CLUH: variants seen among roughly 807,000 people sequenced by gnomAD.
The protein encoded by CLUH is CLUH binding protein of NUMT mRNA, also known as clustered mitochondria protein homolog.
In CLUH, 77 loss-of-function variants were observed where a neutral mutation model predicts 139.3. That is an observed-to-expected ratio of 0.55 (90% CI 0.46 to 0.67). CLUH has a LOEUF of 0.67. Ranked by LOEUF, CLUH falls within the 30% of genes least tolerant of loss-of-function variation. The probability of loss-of-function intolerance (pLI) is 0.00; values close to 1 mark genes in which losing one functional copy is unlikely to be tolerated. For missense variants in CLUH, 1,876 were observed against 1,875.8 expected (o/e 1.00, Z 0.00); for synonymous variants, 999 against 801.6 (o/e 1.25, Z -4.16).
intron 1 of CLUH, among the ~76,000 whole-genome samples, chr17:2,705,925 A>C (rs1340019814): frequency 6.6e-6 from 1 of 152,178 alleles, no homozygotes; most frequent in Non-Finnish European, 1.5e-5. Context: ...ACCCTCCAGC[A>C]GACACGGGCC....
chr17:2,711,230 G>C (rs868344450), intron 1 of CLUH: 1 of 152,240 alleles, frequency 6.6e-6, no homozygotes, highest in South Asian at 2.1e-4. Flanking sequence ...CGGGCGCAGA[G>C]GGGGTGGGGC....
chr17:2,690,303 G>C lies in CLUH; in HGVS notation c.*291C>G. 1 of 375,632 alleles carries C rather than the reference G, an allele frequency of 2.7e-6. No individual in the cohort carries two copies. The highest frequency in any genetic ancestry group is 4.7e-6 in the Non-Finnish European group (1 of 210,580). 23.3% of individuals were successfully genotyped at this position (375,632 alleles called of 1,614,324 possible). On this transcript the variant is annotated 3_prime_UTR_variant, in exon 26 of 26. Coordinates refer to ENST00000651024, the MANE Select transcript of CLUH (RefSeq NM_001366661.1). The stretch of plus-strand genomic sequence containing the variant: ...AGGGGCGCACTCGCACACGCCGGCC[G>C]GACGGCGGGGGCCGAAGCAACACCT...
rs1304605953 is a variant in CLUH at position 2,704,540 on chromosome 17, T to A, written c.125A>T (p.Asn42Ile). Residue 42 changes from asparagine (N) to isoleucine (I), a missense_variant, in exon 2 of 26, where the codon AAC (asparagine) becomes ATC (isoleucine). Around this residue, in one of 3 missense-constraint regions of CLUH, gnomAD observed 152 missense variants for 136.7 expected, o/e 1.11. Transcript: ENST00000651024. This position sits in a 1 kb window ranked among gnomAD's most constrained non-coding sequence, Gnocchi z 5.7. ...CTTCAGGCTCTCTGGGCAGTCCCCG[T>A]TTAAGAGCATGACTGATGGCAGCTC... The part of the protein sequence containing the change: ...AAELPSVMLL[N>I]GDCPESLKKE... The A allele has an allele frequency of 6.4e-7, 1 of 1,571,460 alleles. No individual in the cohort carries two copies. The highest frequency in any genetic ancestry group is 1.9e-5 in the Admixed American group (1 of 53,820).
chr17:2,696,604 GCCTCGCCC>G (rs2069956219), intron 11 of CLUH, 66 bp from the exon 12 acceptor site: 1 of 1,531,558 alleles, frequency 6.5e-7, no homozygotes, highest in Non-Finnish European at 8.8e-7. Context: ...GCTGCGCCAA[GCCTCGCCC>G]CCTAGCTCCT....
rs1020492382 is a variant in CLUH, at chr17:2,691,775, T to C, written c.3775A>G (p.Ile1259Val). Residue 1259 changes from isoleucine to valine, a missense_variant, in exon 24 of 26, where the codon ATC (isoleucine) becomes GTC (valine). Transcript: ENST00000651024. ...CCCGGACTCACCTTGAGGGGCGGGA[T>C]GTTGGCGCTGGAGCCGTTGCGGTAG... Reference protein sequence around the residue: ...EIYRNGSSANIPPLKFTAPSM... With the variant: ...EIYRNGSSANVPPLKFTAPSM... The C allele has an allele frequency of 6.3e-7, 1 of 1,594,386 alleles. No individual in the cohort carries two copies. Among genetic ancestry groups the C allele is most frequent in the South Asian group, 1.1e-5 (1 of 88,414 alleles).
rs2151684779 is a variant in CLUH at position 2,690,248 on chromosome 17, A to G, written c.*346T>C. ...CTCAGGACTGGCTCGGGCTATGTACAGGGGAGAGGAACGGTCAACACTCAC... is the reference window on the plus strand; with the variant it reads ...CTCAGGACTGGCTCGGGCTATGTACGGGGGAGAGGAACGGTCAACACTCAC... On this transcript the variant is annotated 3_prime_UTR_variant, in exon 26 of 26. Transcript: ENST00000651024. 1 of 267,664 alleles carries G rather than the reference A, an allele frequency of 3.7e-6. No individual in the cohort carries two copies. Among genetic ancestry groups the G allele is most frequent in the East Asian group, 6.8e-5 (1 of 14,784 alleles). The allele number at this position is 267,664 out of a possible 1,614,324, so 16.6% of individuals were successfully genotyped here. A position where few individuals can be genotyped will look rare whatever the true frequency, so the allele number is the denominator to read the frequency against.
intron 9 of CLUH, among the ~76,000 whole-genome samples, 154 bp downstream of exon 9, chr17:2,700,228 T>G (rs181339581): frequency 6.6e-6 from 1 of 152,272 alleles, no homozygotes; most frequent in East Asian, 1.9e-4. Flanking sequence ...GGCGGAAGGC[T>G]AGCAGACCCT....
chr17:2,694,821 ATCCC>A, intron 16 of CLUH, 32 bp downstream of exon 16: 33 of 1,446,208 alleles, frequency 2.3e-5, no homozygotes, highest in Non-Finnish European at 2.9e-5. Flanking sequence ...CATCTGCCCA[ATCCC>A]ACCCACCCCA....
At chr17:2,691,956 G>GCCCCCCGC (rs762374288) in intron 23 of CLUH, 48 bp downstream of exon 23, 23 of 440,058 alleles carry the variant, frequency 5.2e-5, no homozygotes, top group Non-Finnish European at 6.5e-5. Context: ...CCCCCGCCCC[G>GCCCCCCGC]CCACGCCCCC....
chr17:2,697,401 G>GAAAAA (rs79574930), intron 10 of CLUH, among the ~76,000 whole-genome samples: 4 of 121,750 alleles, frequency 3.3e-5, no homozygotes, highest in African/African-American at 1.2e-4. Flanking sequence ...CTCCGTCTCA[G>GAAAAA]AAAAAAAAAA....
chr17:2,695,966 G>C (rs776700340), intron 13 of CLUH, 193 bp downstream of exon 13: 45 of 599,730 alleles, frequency 7.5e-5, no homozygotes, highest in Non-Finnish European at 1.3e-4. Flanking sequence ...AGCCCACACG[G>C]TGGGCTCAGC....
Position 2,692,866 on chromosome 17 carries a change from G to A in CLUH, c.3232-6C>T. The A allele has an allele frequency of 1.9e-6, 3 of 1,585,002 alleles. No individual in the cohort carries two copies. The highest frequency in any genetic ancestry group is 2.6e-6 in the Non-Finnish European group (3 of 1,163,274). ...TTCTGCTGGTTACTCAGGGCCTGGG[G>A]AGAGACAGTGGTGGTTGCCGCGGCG... On this transcript the variant is annotated splice_region_variant and splice_polypyrimidine_tract_variant and intron_variant, in intron 19 of 25. Coordinates refer to ENST00000651024, the MANE Select transcript of CLUH (RefSeq NM_001366661.1).
Position 2,701,443 on chromosome 17 carries a change from G to T in CLUH, c.822C>A (p.Leu274=), listed in dbSNP as rs756736373. The change falls in exon 6 of 26, where the codon CTC becomes CTA. Residue 274 remains leucine, a synonymous_variant. Transcript: ENST00000651024. The stretch of plus-strand genomic sequence containing the variant: ...CGGCTGTGATCACAAACAGGTACAT[G>T]AGGTCCCCGTGCATCTTCCGGTTCC... ...PPGNRKMHGD[L]MYLFVITAED... is the part of the protein sequence containing the mutation. 6 of 1,613,462 alleles carry T rather than the reference G, an allele frequency of 3.7e-6. No individual in the cohort carries two copies. In the South Asian group the frequency reaches 5.5e-5, roughly 15 times the overall value.
intron 1 of CLUH, among the ~76,000 whole-genome samples, chr17:2,709,195 A>C (rs1041910064): frequency 3.9e-5 from 6 of 152,144 alleles, no homozygotes; most frequent in African/African-American, 1.4e-4. Flanking sequence ...TCTCACTCAG[A>C]AGACTGTGCC....
At position 2,704,458 on chromosome 17, in the gene CLUH, C is replaced by A; in HGVS notation, c.207G>T (p.Pro69=). ...PRENGLDEAG[P]GDETTGQEVI... ...CTTCCTGGCCGGTGGTCTCATCTCC[C>A]GGGCCGGCCTCGTCAAGCCCATTTT... Residue 69 remains proline, a synonymous_variant, in exon 2 of 26, where the codon CCG becomes CCT. Coordinates refer to ENST00000651024, the MANE Select transcript of CLUH (RefSeq NM_001366661.1). This position sits in a 1 kb window ranked among gnomAD's most constrained non-coding sequence, Gnocchi z 5.7. 1.2e-6 allele frequency: 2 copies of A among 1,603,870 alleles called. No homozygotes were observed. The highest frequency in any genetic ancestry group is 2.3e-5 in the East Asian group (1 of 44,154).
intron 16 of CLUH, 35 bp downstream of exon 16, chr17:2,694,822 T>TCCCCCCCCCCCCC: frequency 1.5e-6 from 2 of 1,346,338 alleles, no homozygotes; most frequent in Non-Finnish European, 2.0e-6. Context: ...ATCTGCCCAA[T>TCCCCCCCCCCCCC]CCCACCCACC....
rs1555529823 is a variant in CLUH at position 2,693,141 on chromosome 17, C to CAATAAAAAAAAAA, written c.3232-282_3232-281insTTTTTTTTTTATT. On this transcript the variant is annotated intron_variant, in intron 19 of 25. Transcript: ENST00000651024. ...AAACCTAAAACTACTAAAAATGTTA[C>CAATAAAAAAAAAA]AAAAAAAAAAAAAAAGCCTGAGCAG... 4.1e-5 allele frequency among the ~76,000 whole-genome samples: 3 copies of CAATAAAAAAAAAA among 73,786 alleles called. 1 individual carries two copies. Among genetic ancestry groups the CAATAAAAAAAAAA allele is most frequent in the Admixed American group, 3.7e-4 (2 of 5,444 alleles). 48.4% of individuals were successfully genotyped at this position (73,786 alleles called of 152,430 possible).
Position 2,703,448 on chromosome 17 carries a change from G to A in CLUH, c.345C>T (p.Leu115=), listed in dbSNP as rs754593118. The change falls in exon 3 of 26, where the codon CTC becomes CTT. Residue 115 remains leucine (L), a synonymous_variant. Coordinates refer to ENST00000651024, the MANE Select transcript of CLUH (RefSeq NM_001366661.1). This position sits in a 1 kb window ranked among gnomAD's most constrained non-coding sequence, Gnocchi z 4.2. ...QEMVQEIHQV[L]MDREDTCHRT... ...GGTGACACGTGTCCTCCCGGTCCAT[G>A]AGCACCTGGTGAATCTCCTGCACCA... is the stretch of plus-strand genomic sequence containing the variant. 10 of 1,613,644 alleles carry A rather than the reference G, an allele frequency of 6.2e-6. No homozygotes were observed. Among genetic ancestry groups the A allele is most frequent in the South Asian group, 2.2e-5 (2 of 91,084 alleles).
In CLUH at chr17:2,698,344, G is replaced by A; in HGVS notation, c.1513C>T (p.Leu505=). 6.2e-7 allele frequency: 1 copy of A among 1,613,144 alleles called. No individual in the cohort carries two copies. The highest frequency in any genetic ancestry group is 8.5e-7 in the Non-Finnish European group (1 of 1,179,750). The change falls in exon 10 of 26, where the codon CTG becomes TTG. Residue 505 remains leucine (L), a synonymous_variant. Coordinates refer to ENST00000651024, the MANE Select transcript of CLUH (RefSeq NM_001366661.1). The part of the protein sequence containing the change: ...RTYNAVDVEG[L]YTLGTVVVDY... Reference sequence around the variant, plus strand: ...ACCACCACCGTGCCCAGCGTGTACAGCCCCTCCACGTCCACCGCGTTGTAC... The same window carrying A: ...ACCACCACCGTGCCCAGCGTGTACAACCCCTCCACGTCCACCGCGTTGTAC...
Sources: allele counts gnomAD v4.1 joint callset (sites outside exome capture counted in the v4.1 genomes callset), GRCh38; gene constraint gnomAD v4.1.1; regional missense constraint gnomAD v4.1.1; non-coding constraint Gnocchi (gnomAD v3.1); transcripts MANE v1.5; gene names NCBI Gene and HGNC (gene_info 2026-07-23, HGNC 2026-07-21).